NAA11: variants seen among roughly 807,000 people sequenced by gnomAD.
NAA11 encodes N-alpha-acetyltransferase 11.
In NAA11, 15 loss-of-function variants were observed where a neutral mutation model predicts 16.1. The ratio of observed to expected loss-of-function variants is 0.93; its 90% CI spans 0.62 to 1.44. The LOEUF is 1.44. Among genes scored for constraint, NAA11 ranks in the 40% most tolerant of loss-of-function variants. The pLI is 0.00. For missense variants in NAA11, 298 were observed against 291.3 expected (o/e 1.02, Z -0.17); for synonymous variants, 122 against 112.4 (o/e 1.09, Z -0.54).
chr4:79,202,918 C>T, the NAA11 span, among the ~76,000 whole-genome samples: 1 of 150,894 alleles, frequency 6.6e-6, no homozygotes, highest in Non-Finnish European at 1.5e-5. Context: ...AATTGTTATG[C>T]ATATAGAATG....
chr4:79,168,818 G>A, the NAA11 span, among the ~76,000 whole-genome samples: 1 of 152,064 alleles, frequency 6.6e-6, no homozygotes, highest in Non-Finnish European at 1.5e-5. Flanking sequence ...CCATTCTGTA[G>A]GTTGCCTGTT....
At chr4:79,248,136 G>C (rs1721886152) in intron 2 of NAA11, among the ~76,000 whole-genome samples, 1 of 152,120 alleles carries the variant, frequency 6.6e-6, no homozygotes, top group African/African-American at 2.4e-5. Context: ...GACCACACCT[G>C]CTTGCAGTGC....
chr4:79,304,022 A>T lies in NAA11; in HGVS notation c.*13-9908T>A, dbSNP rs543515949. ...CTCTGCTCTATGGCATACTTTTCTTAGTGACAGCTCGACAGCTCTTCGACC... is the reference window on the plus strand; with the variant it reads ...CTCTGCTCTATGGCATACTTTTCTTTGTGACAGCTCGACAGCTCTTCGACC... On this transcript the variant is annotated intron_variant and NMD_transcript_variant, in intron 1 of 2. Coordinates refer to the NAA11 transcript ENST00000511542. Among the ~76,000 whole-genome samples the T allele has an allele frequency of 3.9e-5, 6 of 152,208 alleles. 1 individual carries two copies. In the South Asian group the frequency reaches 1.2e-3, roughly 32 times the overall value.
chr4:79,167,010 G>T, the NAA11 span, among the ~76,000 whole-genome samples: 5 of 146,066 alleles, frequency 3.4e-5, no homozygotes, highest in Admixed American at 2.0e-4. Flanking sequence ...TATAGCTAGG[G>T]TACTGGAATT....
At chr4:79,322,500 T>C (rs1003606728) in intron 1 of NAA11, among the ~76,000 whole-genome samples, 1,343 of 133,988 alleles carry the variant, frequency 0.01, 23 homozygotes, top group African/African-American at 0.034. Flanking sequence ...TGTGTGTGTG[T>C]GTGTGTATAT....
intron 2 of NAA11, among the ~76,000 whole-genome samples, chr4:79,286,509 G>A (rs918776674): frequency 1.3e-5 from 2 of 152,168 alleles, no homozygotes; most frequent in Admixed American, 6.6e-5. Flanking sequence ...AGTCATGAAT[G>A]TAATTTTTAA....
chr4:79,181,638 G>A, the NAA11 span, among the ~76,000 whole-genome samples: 1 of 152,212 alleles, frequency 6.6e-6, no homozygotes, highest in Non-Finnish European at 1.5e-5. Flanking sequence ...CAGTCTCGTA[G>A]TTTATTAGTC....
chr4:79,311,660 T>C (rs1331741409), downstream of NAA11, among the ~76,000 whole-genome samples: 2 of 152,174 alleles, frequency 1.3e-5, no homozygotes, highest in African/African-American at 4.8e-5. Flanking sequence ...CTAGGTATAA[T>C]CTAGAGTGAA....
At chr4:79,267,702 G>A (rs1722384433) in intron 2 of NAA11, among the ~76,000 whole-genome samples, 1 of 152,078 alleles carries the variant, frequency 6.6e-6, no homozygotes, top group Admixed American at 6.6e-5. Flanking sequence ...TCCCATAGTT[G>A]TTGGTGTGAC....
intron 2 of NAA11, among the ~76,000 whole-genome samples, chr4:79,255,805 G>T (rs909884549): frequency 2.0e-5 from 3 of 152,214 alleles, no homozygotes; most frequent in Admixed American, 2.0e-4. Flanking sequence ...GGGCTACCCT[G>T]TAGTCAGACA....
Position 79,264,549 on chromosome 4 carries a change from CTA to C in NAA11, c.*122+29454_*122+29455del, listed in dbSNP as rs1328040997. On this transcript the variant is annotated intron_variant and NMD_transcript_variant, in intron 2 of 2. Coordinates refer to the NAA11 transcript ENST00000511542. ...CTCTTTGCATGATTCTGACTTTTAT[CTA>C]TACCATTCCAAAATACCTGACTTTG... Among the ~76,000 whole-genome samples the C allele has an allele frequency of 7.9e-5, 12 of 152,268 alleles. No homozygotes were observed. The East Asian group carries it at 1.7e-3, about 22-fold the overall frequency.
At chr4:79,205,921 G>C in the NAA11 span, among the ~76,000 whole-genome samples, 7 of 148,994 alleles carry the variant, frequency 4.7e-5, no homozygotes, top group African/African-American at 1.7e-4. Flanking sequence ...GCTAATTGTA[G>C]GTATTTGGCT....
chr4:79,229,867 C>CTCTT (rs1445173003), intron 2 of NAA11, among the ~76,000 whole-genome samples: 2 of 151,978 alleles, frequency 1.3e-5, no homozygotes, highest in East Asian at 3.9e-4. Context: ...CTCCCACTTG[C>CTCTT]TCTTAACCAT....
the NAA11 span, among the ~76,000 whole-genome samples, chr4:79,160,381 G>A: frequency 6.6e-6 from 1 of 152,128 alleles, no homozygotes; most frequent in Non-Finnish European, 1.5e-5. Context: ...CAATTCTTTT[G>A]ATATATTATT....
chr4:79,208,925 CAAAAAAAAA>C, the NAA11 span, among the ~76,000 whole-genome samples: 11 of 53,970 alleles, frequency 2.0e-4, no homozygotes, highest in East Asian at 7.8e-4. Context: ...ATATAACTGC[CAAAAAAAAA>C]AAAAAAAAAA....
intron 2 of NAA11, among the ~76,000 whole-genome samples, chr4:79,269,068 A>G (rs1245743397): frequency 4.9e-5 from 6 of 121,340 alleles, no homozygotes; most frequent in African/African-American, 1.0e-4. Flanking sequence ...TCCATGGTGT[A>G]TATGTGCCAC....
At chr4:79,189,145 C>A in the NAA11 span, among the ~76,000 whole-genome samples, 157 of 42,250 alleles carry the variant, frequency 3.7e-3, no homozygotes, top group Admixed American at 7.5e-3. Context: ...GACTCCATCT[C>A]AAAAAAAAAA....
At chr4:79,188,141 C>T in the NAA11 span, among the ~76,000 whole-genome samples, 3 of 150,658 alleles carry the variant, frequency 2.0e-5, no homozygotes, top group Non-Finnish European at 4.4e-5. Flanking sequence ...GTTTTTTCCT[C>T]TTTTGTTTAT....
At chr4:79,157,893 T>C in the NAA11 span, among the ~76,000 whole-genome samples, 1 of 147,770 alleles carries the variant, frequency 6.8e-6, no homozygotes, top group African/African-American at 2.6e-5. Flanking sequence ...TGCTGATTGC[T>C]GATGATTTTT....
Sources: allele counts gnomAD v4.1 joint callset (sites outside exome capture counted in the v4.1 genomes callset), GRCh38; gene constraint gnomAD v4.1.1; transcripts MANE v1.5; gene names NCBI Gene and HGNC (gene_info 2026-07-23, HGNC 2026-07-21).